The following PARVB variants were observed in gnomAD, a reference collection of about 807,000 sequenced individuals.
PARVB encodes beta-parvin.
PARVB carries 46 observed loss-of-function variants against 47.0 expected under a neutral mutation model. That is an observed-to-expected ratio of 0.98 (90% CI 0.77 to 1.25). The LOEUF is 1.25. Ranked by LOEUF, PARVB falls within the 50% of genes most tolerant of loss-of-function variation. The pLI, the probability that PARVB is intolerant of heterozygous loss-of-function variation, is 0.00. For missense variants in PARVB, 473 were observed against 471.6 expected (o/e 1.00, Z -0.03); for synonymous variants, 196 against 196.3 (o/e 1.00, Z 0.01).
At chr22:44,095,974 G>A (rs12484535) in intron 2 of PARVB, among the ~76,000 whole-genome samples, 2,282 of 152,206 alleles carry the variant, frequency 0.015, 151 homozygotes, top group Admixed American at 0.12. Context: ...CTGTAATCTC[G>A]GCACTTTGGG....
chr22:44,074,006 C>G (rs894139184), intron 1 of PARVB, among the ~76,000 whole-genome samples: 1 of 152,214 alleles, frequency 6.6e-6, no homozygotes. Context: ...AGGCTGCTGG[C>G]TGGGCTCTGA....
chr22:44,108,291 A>T (rs1309634472), intron 3 of PARVB: 1 of 152,180 alleles, frequency 6.6e-6, no homozygotes, highest in Non-Finnish European at 1.5e-5. Context: ...CCTGATTTGT[A>T]ATCAGTGGGA....
chr22:44,170,128 G>A lies in PARVB; in HGVS notation c.*1450G>A, dbSNP rs1351361817. 1 of 139,768 alleles carries A rather than the reference G, an allele frequency of 7.2e-6. No homozygotes were observed. The highest frequency in any genetic ancestry group is 6.8e-5 in the Admixed American group (1 of 14,714). 8.7% of individuals were successfully genotyped at this position (139,768 alleles called of 1,614,324 possible). A position where few individuals can be genotyped will look rare whatever the true frequency, so the allele number is the denominator to read the frequency against. On this transcript the variant is annotated 3_prime_UTR_variant, in exon 13 of 13. Coordinates refer to ENST00000338758, the MANE Select transcript of PARVB (RefSeq NM_013327.5). Reference sequence around the variant, plus strand: ...TGATCCTCCCACCTCAGCCTCCCAAGTAGCGGGGACCACAAGTGCACACCA... The same window carrying A: ...TGATCCTCCCACCTCAGCCTCCCAAATAGCGGGGACCACAAGTGCACACCA...
At chr22:44,161,842 C>G (rs897850216) in intron 11 of PARVB, among the ~76,000 whole-genome samples, 2 of 152,264 alleles carry the variant, frequency 1.3e-5, no homozygotes, top group African/African-American at 4.8e-5. Flanking sequence ...ACTCCTCCCC[C>G]ATTGCCAGTG....
intron 11 of PARVB, among the ~76,000 whole-genome samples, chr22:44,159,478 G>C (rs2054006187): frequency 1.3e-5 from 2 of 152,156 alleles, no homozygotes; most frequent in African/African-American, 4.8e-5. Flanking sequence ...CTTCCCCTCT[G>C]AATCGGAGCG....
intron 10 of PARVB, chr22:44,152,143 TTTTC>T (rs896819481): frequency 2.0e-5 from 3 of 150,908 alleles, no homozygotes; most frequent in Non-Finnish European, 2.9e-5. Context: ...ACTGTATCCT[TTTTC>T]TTTCTTTTTT....
chr22:44,145,767 T>G (rs986998398), intron 8 of PARVB: 3 of 152,178 alleles, frequency 2.0e-5, no homozygotes, highest in Non-Finnish European at 2.9e-5. Flanking sequence ...TCTCCTTGAG[T>G]GGCTTGACTC....
chr22:44,030,220 C>A (rs753699969), intron 1 of PARVB, among the ~76,000 whole-genome samples: 4 of 152,256 alleles, frequency 2.6e-5, no homozygotes, highest in African/African-American at 9.6e-5. Flanking sequence ...TGGGTGAGAC[C>A]CTGGCTCAGG....
At chr22:44,106,206 G>C (rs2052565697) in intron 3 of PARVB, 1 of 144,818 alleles carries the variant, frequency 6.9e-6, no homozygotes, top group East Asian at 2.0e-4. Flanking sequence ...AGGAGGCTCT[G>C]GGAAGAGGGG....
chr22:44,067,400 T>G (rs1283270608), intron 1 of PARVB, among the ~76,000 whole-genome samples: 1 of 152,266 alleles, frequency 6.6e-6, no homozygotes, highest in East Asian at 1.9e-4. Flanking sequence ...CTTTCCTGAC[T>G]GATCCTCTGT....
chr22:43,999,448 A>G, intron 1 of PARVB: 1 of 1,592,916 alleles, frequency 6.3e-7, no homozygotes, highest in South Asian at 1.1e-5. Flanking sequence ...TGTTGTTAAA[A>G]TCAGGTTGTA....
chr22:44,046,642 C>T (rs2051117626), intron 1 of PARVB, among the ~76,000 whole-genome samples: 1 of 152,224 alleles, frequency 6.6e-6, no homozygotes, highest in Non-Finnish European at 1.5e-5. Flanking sequence ...TGTTATCTCC[C>T]CACACAGTCC....
intron 3 of PARVB, chr22:44,114,196 A>T (rs941874295): frequency 6.6e-5 from 8 of 121,250 alleles, no homozygotes; most frequent in African/African-American, 2.8e-4. Flanking sequence ...AAGGCCCTGC[A>T]CCAACACAGA....
intron 1 of PARVB, among the ~76,000 whole-genome samples, chr22:44,060,605 C>A (rs2267603): frequency 0.75 from 113,050 of 151,744 alleles, 42,350 homozygotes; most frequent in African/African-American, 0.83. Context: ...CAACTACATT[C>A]GGCATTAATA....
intron 1 of PARVB, among the ~76,000 whole-genome samples, chr22:44,036,112 C>T (rs919152115): frequency 6.6e-6 from 1 of 152,012 alleles, no homozygotes; most frequent in Admixed American, 6.6e-5. Flanking sequence ...TAAAAATTAA[C>T]CAGGCGTGGT....
rs141106494 is a variant in PARVB at position 44,040,321 on chromosome 22, G to A, written c.112+15870G>A. On this transcript the variant is annotated intron_variant, in intron 1 of 12. Transcript: ENST00000338758. The stretch of plus-strand genomic sequence containing the variant: ...AAATGTGTTAAAAAAAGATGATATG[G>A]TAGACTGAATAGTAGTACCAAAAAT... 4.2e-3 allele frequency among the ~76,000 whole-genome samples: 635 copies of A among 152,264 alleles called. 6 individuals carry two copies. Among genetic ancestry groups the A allele is most frequent in the African/African-American group, 0.014 (601 of 41,544 alleles).
At chr22:44,054,362 G>A (rs576665105) in intron 1 of PARVB, among the ~76,000 whole-genome samples, 3 of 152,122 alleles carry the variant, frequency 2.0e-5, no homozygotes, top group Non-Finnish European at 4.4e-5. Context: ...CTACAGCCGC[G>A]CACTACAACG....
At chr22:44,168,211 G>T (rs897630642) in intron 12 of PARVB, 1 of 181,812 alleles carries the variant, frequency 5.5e-6, no homozygotes, top group African/African-American at 2.4e-5. Flanking sequence ...AGTGGCCCAA[G>T]ACTTCCAGGG....
intron 1 of PARVB, chr22:44,069,118 C>T (rs959466887): frequency 1.2e-6 from 2 of 1,612,054 alleles, no homozygotes; most frequent in Non-Finnish European, 1.7e-6. Context: ...CGTCCGCCGG[C>T]TGTGCTGGTC....
Sources: gnomAD v4.1 joint callset for allele counts (sites outside exome capture counted in the v4.1 genomes callset) on GRCh38, gnomAD v4.1.1 for gene constraint, MANE v1.5 for transcripts, NCBI Gene and HGNC (gene_info 2026-07-23, HGNC 2026-07-21) for gene names.